Variants in EXOC3L1 observed in about 807,000 individuals in gnomAD.
EXOC3L1 encodes exocyst complex component 3 like 1.
Under a neutral mutation model 83.6 loss-of-function variants are expected in EXOC3L1, and 79 were observed. The ratio of observed to expected loss-of-function variants is 0.95; its 90% CI spans 0.79 to 1.14. The LOEUF (loss-of-function observed/expected upper bound fraction) is 1.14. EXOC3L1 is among the 50% of genes most tolerant of loss of function. The pLI, the probability that EXOC3L1 is intolerant of heterozygous loss-of-function variation, is 0.00. For missense variants in EXOC3L1, 945 were observed against 972.0 expected (o/e 0.97, Z 0.37); for synonymous variants, 433 against 451.2 (o/e 0.96, Z 0.51).
intron 6 of EXOC3L1, 37 bp from the exon 7 acceptor site, chr16:67,186,921 G>A (rs1467710278): frequency 1.2e-6 from 2 of 1,612,988 alleles, no homozygotes; most frequent in South Asian, 2.2e-5. Flanking sequence ...AATGTAGCAG[G>A]GATCTGACCC....
At chr16:67,189,819 C>T (rs1187126937) in intron 1 of EXOC3L1, 136 bp from the exon 2 acceptor site, 11 of 837,882 alleles carry the variant, frequency 1.3e-5, no homozygotes, top group East Asian at 1.1e-4. Context: ...TGAGAGGGAG[C>T]GGGTGTGATG....
intron 11 of EXOC3L1, 39 bp from the exon 12 acceptor site, chr16:67,185,096 AC>A: frequency 1.2e-6 from 2 of 1,612,098 alleles, no homozygotes; most frequent in Non-Finnish European, 1.7e-6. Context: ...GTCGCCTCTC[AC>A]CCGCGCCGCC....
At chr16:67,184,636 C>T (rs1379984160) in intron 13 of EXOC3L1, 32 bp from the exon 14 acceptor site, 2 of 1,583,524 alleles carry the variant, frequency 1.3e-6, no homozygotes, top group East Asian at 2.2e-5. Context: ...GCGTCAGCCC[C>T]GTCCTCCCCG....
chr16:67,189,010 C>G lies in EXOC3L1; in HGVS notation c.207+10G>C. On this transcript the variant is annotated intron_variant, in intron 3 of 13. Transcript: ENST00000314586. Reference sequence around the variant, plus strand: ...AGTCCCAGCACCCGCACCCCCTGCCCCATGCCCACCTTGAGGCGCGATTCC... The same window carrying G: ...AGTCCCAGCACCCGCACCCCCTGCCGCATGCCCACCTTGAGGCGCGATTCC... 6.2e-7 allele frequency: 1 copy of G among 1,603,850 alleles called. No homozygotes were observed. Among genetic ancestry groups the G allele is most frequent in the Non-Finnish European group, 8.5e-7 (1 of 1,173,386 alleles).
At chr16:67,187,874 G>C in intron 4 of EXOC3L1, 37 bp from the exon 5 acceptor site, 1 of 1,536,868 alleles carries the variant, frequency 6.5e-7, no homozygotes, top group Non-Finnish European at 8.8e-7. Context: ...CTGGGTCTCA[G>C]CCTTCCCACC....
chr16:67,187,555 AG>A lies in EXOC3L1; in HGVS notation c.709del (p.Leu237TrpfsTer13). On this transcript the variant is annotated frameshift_variant, in exon 5 of 14. Transcript: ENST00000314586. LOFTEE classifies it high-confidence loss of function. ...ACGCCAGTCCCGGGGGACCTGGCCCAGGGGGGTTGTTCGTCCAGTCTCCACC... is the reference window on the plus strand; with the variant it reads ...ACGCCAGTCCCGGGGGACCTGGCCCAGGGGGTTGTTCGTCCAGTCTCCACC... The part of the protein sequence containing the change: ...AEVETGRTTP[L>X]GQVPRDWRQR... 1.9e-6 allele frequency: 3 copies of A among 1,603,512 alleles called. No homozygotes were observed. Among genetic ancestry groups the A allele is most frequent in the South Asian group, 1.1e-5 (1 of 90,908 alleles).
In EXOC3L1 at chr16:67,189,140, G is replaced by A. The variant is rs2032813170; in HGVS notation, c.87C>T (p.Ala29=). 1 of 1,607,022 alleles carries A rather than the reference G, an allele frequency of 6.2e-7. No individual in the cohort carries two copies. Among genetic ancestry groups the A allele is most frequent in the Non-Finnish European group, 8.5e-7 (1 of 1,179,354 alleles). Residue 29 remains alanine, a synonymous_variant, in exon 3 of 14, where the codon GCC becomes GCT. Coordinates refer to ENST00000314586, the MANE Select transcript of EXOC3L1 (RefSeq NM_178516.4). ...AGGCCCACTTGAGCGCTGCACCCCG[G>A]GCCAGCTGCTCTGCCCGCTCCTGCT... ...WPEQERAEQL[A]RGAALKWASG...
At chr16:67,188,493 G>A (rs2032791850) in intron 4 of EXOC3L1, among the ~76,000 whole-genome samples, 1 of 152,166 alleles carries the variant, frequency 6.6e-6, no homozygotes, top group African/African-American at 2.4e-5. Flanking sequence ...TGATAACCAG[G>A]TGGCCAGAGT....
In EXOC3L1 at chr16:67,187,730, G is replaced by T; in HGVS notation, c.535C>A (p.Pro179Thr). ...LEQLREDTWA[P>T]LGGLELPVFQ... Reference sequence around the variant, plus strand: ...ACTGGCAACTCCAGGCCCCCCAGGGGTGCCCACGTATCCTCTCGCAGCTGC... The same window carrying T: ...ACTGGCAACTCCAGGCCCCCCAGGGTTGCCCACGTATCCTCTCGCAGCTGC... Residue 179 changes from proline (P) to threonine (T), a missense_variant, in exon 5 of 14, where the codon CCC (proline) becomes ACC (threonine). Pro to Thr is a conservative substitution (Grantham distance 38). Transcript: ENST00000314586. The T allele has an allele frequency of 6.2e-7, 1 of 1,613,090 alleles. No individual in the cohort carries two copies. The highest frequency in any genetic ancestry group is 8.5e-7 in the Non-Finnish European group (1 of 1,180,032).
Position 67,187,214 on chromosome 16 carries a change from A to C in EXOC3L1, c.1040+11T>G. 6.2e-7 allele frequency: 1 copy of C among 1,609,444 alleles called. No individual in the cohort carries two copies. The highest frequency in any genetic ancestry group is 8.5e-7 in the Non-Finnish European group (1 of 1,177,100). On this transcript the variant is annotated intron_variant, in intron 5 of 13. Coordinates refer to ENST00000314586, the MANE Select transcript of EXOC3L1 (RefSeq NM_178516.4). ...TGATCCCCCATGTCCCGCTGCCCCA[A>C]AGGCACTGACCCCAGGTACACATGC...
Position 67,185,461 on chromosome 16 carries a change from C to G in EXOC3L1, c.1526G>C (p.Gly509Ala), listed in dbSNP as rs138861636. The change falls in exon 10 of 14, where the codon GGG becomes GCG. Residue 509 changes from glycine to alanine, a missense_variant. Physicochemically the swap from Gly to Ala is moderately conservative, Grantham distance 60. Transcript: ENST00000314586. ...TGGAGCCAAGGCCCCTGAAGGCGCC[C>G]CGTCCAGCTGCAGGACAGACACTGA... ...SSSVSVLQLDGAPSGALAPVE... is the reference protein window; with the variant it reads ...SSSVSVLQLDAAPSGALAPVE... The G allele has an allele frequency of 1.4e-5, 23 of 1,610,224 alleles. No individual in the cohort carries two copies. In the African/African-American group the frequency reaches 2.5e-4, roughly 18 times the overall value.
At chr16:67,188,292 T>C (rs901576978) in intron 4 of EXOC3L1, among the ~76,000 whole-genome samples, 2 of 151,844 alleles carry the variant, frequency 1.3e-5, no homozygotes, top group African/African-American at 4.8e-5. Flanking sequence ...AATAAATAAA[T>C]AAATAACCAG....
At position 67,186,618 on chromosome 16, in the gene EXOC3L1, C is replaced by T. The variant is rs932022385; in HGVS notation, c.1324G>A (p.Glu442Lys). ...ENIRVASLVSESLQQRVHGMA... is the reference protein window; with the variant it reads ...ENIRVASLVSKSLQQRVHGMA... ...CCATGCACTCGCTGTTGCAGTGACTCACTGACCAGGCTGGCCACACGAATG... is the reference window on the plus strand; with the variant it reads ...CCATGCACTCGCTGTTGCAGTGACTTACTGACCAGGCTGGCCACACGAATG... Residue 442 changes from glutamate to lysine, a missense_variant, in exon 8 of 14, where the codon GAG (glutamate) becomes AAG (lysine). By Grantham distance (56) the Glu-to-Lys change is moderately conservative. Coordinates refer to ENST00000314586, the MANE Select transcript of EXOC3L1 (RefSeq NM_178516.4). The T allele has an allele frequency of 6.2e-7, 1 of 1,614,162 alleles. No homozygotes were observed. The highest frequency in any genetic ancestry group is 8.5e-7 in the Non-Finnish European group (1 of 1,180,004).
intron 4 of EXOC3L1, among the ~76,000 whole-genome samples, chr16:67,188,229 G>A (rs2032784355): frequency 1.3e-5 from 2 of 152,030 alleles, no homozygotes; most frequent in Non-Finnish European, 2.9e-5. Flanking sequence ...GGGTGACAGA[G>A]TGAGACTCTG....
In EXOC3L1 at chr16:67,186,625, C is replaced by G. The variant is rs2032730364; in HGVS notation, c.1317G>C (p.Leu439=). 1.9e-6 allele frequency: 3 copies of G among 1,614,018 alleles called. No individual in the cohort carries two copies. The highest frequency in any genetic ancestry group is 2.7e-5 in the African/African-American group (2 of 74,914). The change falls in exon 8 of 14, where the codon CTG becomes CTC. Residue 439 remains leucine, a synonymous_variant. Coordinates refer to ENST00000314586, the MANE Select transcript of EXOC3L1 (RefSeq NM_178516.4). ...ILEENIRVAS[L]VSESLQQRVH... ...CTCGCTGTTGCAGTGACTCACTGACCAGGCTGGCCACACGAATGTTCTCTT... is the reference window on the plus strand; with the variant it reads ...CTCGCTGTTGCAGTGACTCACTGACGAGGCTGGCCACACGAATGTTCTCTT...
chr16:67,188,396 T>C (rs1234652755), intron 4 of EXOC3L1, among the ~76,000 whole-genome samples: 1 of 152,182 alleles, frequency 6.6e-6, no homozygotes, highest in African/African-American at 2.4e-5. Context: ...ATGAGGAAGC[T>C]GAGGATCCTG....
At chr16:67,186,150 A>C in intron 9 of EXOC3L1, 87 bp downstream of exon 9, 1 of 912,892 alleles carries the variant, frequency 1.1e-6, no homozygotes, top group Non-Finnish European at 1.8e-6. Context: ...CAAAGTCCCT[A>C]GTGTCCTAGT....
chr16:67,189,644 C>G lies in EXOC3L1; in HGVS notation c.33G>C (p.Pro11=), dbSNP rs375857120. 6.2e-7 allele frequency: 1 copy of G among 1,614,084 alleles called. No individual in the cohort carries two copies. Among genetic ancestry groups the G allele is most frequent in the South Asian group, 1.1e-5 (1 of 91,078 alleles). Residue 11 remains proline, a synonymous_variant, in exon 2 of 14, where the codon CCG becomes CCC. Coordinates refer to ENST00000314586, the MANE Select transcript of EXOC3L1 (RefSeq NM_178516.4). ...AAAGGTTCATACCAGGGGACAACGC[C>G]GGCTGCATCTCATCCTTGGCTGCTG... MDSAAKDEMQ[P]ALSPGPEWPE...
rs1462836473 is a variant in EXOC3L1, at chr16:67,187,690, T to C, written c.575A>G (p.Asp192Gly). The change falls in exon 5 of 14, where the codon GAC becomes GGC. Residue 192 changes from aspartate to glycine, a missense_variant. Asp to Gly is a moderately conservative substitution (Grantham distance 94). Transcript: ENST00000314586. ...GLELPVFQGL[D>G]LLFEALGQAV... Reference sequence around the variant, plus strand: ...CTGGCCCAGTGCCTCGAACAGAAGGTCCAGCCCCTGGAAGACTGGCAACTC... The same window carrying C: ...CTGGCCCAGTGCCTCGAACAGAAGGCCCAGCCCCTGGAAGACTGGCAACTC... The C allele has an allele frequency of 6.2e-7, 1 of 1,612,662 alleles. No homozygotes were observed. Among genetic ancestry groups the C allele is most frequent in the Admixed American group, 1.7e-5 (1 of 59,978 alleles).
Sources: gnomAD v4.1 joint callset for allele counts (sites outside exome capture counted in the v4.1 genomes callset) on GRCh38, gnomAD v4.1.1 for gene constraint, MANE v1.5 for transcripts, NCBI Gene and HGNC (gene_info 2026-07-23, HGNC 2026-07-21) for gene names.